The following ZNF469 variants were observed in gnomAD, a reference collection of about 807,000 sequenced individuals.
ZNF469 encodes the protein zinc finger protein 469.
Under a neutral mutation model 1.0 loss-of-function variants are expected in ZNF469, and 1 was observed. The ratio of observed to expected loss-of-function variants is 1.00; its 90% confidence interval spans 0.35 to 4.73. The LOEUF (loss-of-function observed/expected upper bound fraction) is 4.73, where lower values mean the gene tolerates loss of function less well. ZNF469 is among the 30% of genes most tolerant of loss of function. ZNF469 has a pLI of 0.16. For synonymous variants in ZNF469, 2,703 were observed against 2,363.4 expected, an observed-to-expected ratio of 1.14 and a Z score of -4.17; for missense variants, 6,100 against 5,356.3, an observed-to-expected ratio of 1.14 and a Z score of -4.33.
chr16:88,255,453 C>G, the ZNF469 span, among the ~76,000 whole-genome samples: 7 of 152,114 alleles, frequency 4.6e-5, no homozygotes, highest in African/African-American at 1.7e-4. Context: ...AAGTCTAAAC[C>G]TCTGTTTTAA....
Position 88,428,505 on chromosome 16 carries a change from G to C in ZNF469, c.1035G>C (p.Leu345=), listed in dbSNP as rs1226960680. Residue 345 remains leucine, a synonymous_variant, in exon 3 of 3, where the codon CTG becomes CTC. Coordinates refer to ENST00000565624, the MANE Select transcript of ZNF469 (RefSeq NM_001367624.2). Reference sequence around the variant, plus strand: ...GCTACCAGGGCCAGCCAGGTGGCCTGAACCGCCACAGCGACCTCAGTGGTG... The same window carrying C: ...GCTACCAGGGCCAGCCAGGTGGCCTCAACCGCCACAGCGACCTCAGTGGTG... ...LPCYQGQPGG[L]NRHSDLSGAL... 6.5e-7 allele frequency: 1 copy of C among 1,549,798 alleles called. No individual in the cohort carries two copies. The highest frequency in any genetic ancestry group is 8.7e-7 in the Non-Finnish European group (1 of 1,146,806).
the ZNF469 span, among the ~76,000 whole-genome samples, chr16:88,179,115 T>C: frequency 8.3e-4 from 126 of 152,198 alleles, no homozygotes; most frequent in African/African-American, 2.7e-3. Context: ...ATTCTCGGAG[T>C]GGGCCCCAGA....
At chr16:88,221,210 A>C in the ZNF469 span, among the ~76,000 whole-genome samples, 1 of 152,226 alleles carries the variant, frequency 6.6e-6, no homozygotes, top group Non-Finnish European at 1.5e-5. Context: ...TCGGGTAAGG[A>C]CAGACCCGGG....
At chr16:88,202,576 G>A in the ZNF469 span, among the ~76,000 whole-genome samples, 9 of 152,168 alleles carry the variant, frequency 5.9e-5, no homozygotes, top group African/African-American at 9.7e-5. Context: ...CTCTGGCACC[G>A]CAGGAAGCAC....
chr16:88,430,596 G>A lies in ZNF469; in HGVS notation c.3126G>A (p.Arg1042=). The change falls in exon 3 of 3, where the codon CGG becomes CGA. Residue 1042 remains arginine (R), a synonymous_variant. Coordinates refer to ENST00000565624, the MANE Select transcript of ZNF469 (RefSeq NM_001367624.2). ...AGGACCCCAGGAAGAGGAAGGCTCG[G>A]GGCGGCGCCTGGGGCAAGGAGCTCA... ...PRKDPRKRKA[R]GGAWGKELIL... is the part of the protein sequence containing the mutation. 1 of 1,500,740 alleles carries A rather than the reference G, an allele frequency of 6.7e-7. No homozygotes were observed. The highest frequency in any genetic ancestry group is 8.8e-7 in the Non-Finnish European group (1 of 1,130,698). The allele number at this position is 1,500,740 out of a possible 1,614,324, so 93.0% of individuals were successfully genotyped here.
At chr16:88,331,835 A>T in the ZNF469 span, among the ~76,000 whole-genome samples, 1 of 152,228 alleles carries the variant, frequency 6.6e-6, no homozygotes, top group African/African-American at 2.4e-5. Flanking sequence ...CATCACCATC[A>T]TCACCACCAT....
intron 1 of ZNF469, among the ~76,000 whole-genome samples, chr16:88,388,095 C>T (rs1364892336): frequency 6.6e-6 from 1 of 152,248 alleles, no homozygotes; most frequent in African/African-American, 2.4e-5. Flanking sequence ...AGGGGCTCCC[C>T]AGAGAGGAGA....
At chr16:88,287,662 T>C in the ZNF469 span, among the ~76,000 whole-genome samples, 1 of 152,134 alleles carries the variant, frequency 6.6e-6, no homozygotes, top group Non-Finnish European at 1.5e-5. Flanking sequence ...AGAAACAACA[T>C]CCCTCCCAGG....
chr16:88,223,278 G>C, the ZNF469 span, among the ~76,000 whole-genome samples: 2 of 152,178 alleles, frequency 1.3e-5, no homozygotes, highest in African/African-American at 4.8e-5. Context: ...TGCGATCTGC[G>C]GGTTTTATAA....
At chr16:88,235,746 A>T in the ZNF469 span, among the ~76,000 whole-genome samples, 1 of 152,274 alleles carries the variant, frequency 6.6e-6, no homozygotes, top group African/African-American at 2.4e-5. Flanking sequence ...CAATATTTGA[A>T]GAGAGTTATT....
At chr16:88,137,845 C>T in the ZNF469 span, among the ~76,000 whole-genome samples, 2 of 152,132 alleles carry the variant, frequency 1.3e-5, no homozygotes, top group Admixed American at 6.5e-5. Flanking sequence ...GGTGCAGAGC[C>T]CTGGGTTTGC....
At chr16:88,401,528 T>A (rs1265162036) in intron 1 of ZNF469, among the ~76,000 whole-genome samples, 1 of 36,872 alleles carries the variant, frequency 2.7e-5, no homozygotes, top group African/African-American at 2.0e-4. Context: ...GATGGATGGA[T>A]GGATGCATGG....
the ZNF469 span, among the ~76,000 whole-genome samples, chr16:88,200,138 G>C: frequency 6.6e-6 from 1 of 152,180 alleles, no homozygotes; most frequent in Non-Finnish European, 1.5e-5. Context: ...AAGAGAACAC[G>C]GCAGTGGGGT....
the ZNF469 span, among the ~76,000 whole-genome samples, chr16:88,363,151 T>G: frequency 1.3e-5 from 2 of 152,256 alleles, no homozygotes. Context: ...GTAAAAGAAC[T>G]ACTTTTAAAA....
chr16:88,158,889 G>A, the ZNF469 span, among the ~76,000 whole-genome samples: 1 of 151,986 alleles, frequency 6.6e-6, no homozygotes, highest in East Asian at 1.9e-4. Flanking sequence ...TTGTGGTTCT[G>A]AACCTACTGG....
chr16:88,377,905 T>C, the ZNF469 span, among the ~76,000 whole-genome samples: 1 of 151,908 alleles, frequency 6.6e-6, no homozygotes, highest in Non-Finnish European at 1.5e-5. Context: ...AAAAAAATGG[T>C]TTTTGAGCCG....
At chr16:88,345,093 G>T in the ZNF469 span, among the ~76,000 whole-genome samples, 1 of 152,240 alleles carries the variant, frequency 6.6e-6, no homozygotes, top group African/African-American at 2.4e-5. Flanking sequence ...GGTGACGTGA[G>T]CCTGGGATGG....
the ZNF469 span, among the ~76,000 whole-genome samples, chr16:88,128,488 T>C: frequency 5.3e-5 from 8 of 152,198 alleles, no homozygotes; most frequent in East Asian, 1.9e-4. Flanking sequence ...AGTGGCACCA[T>C]TGTGGTTCAG....
At chr16:88,339,699 G>A in the ZNF469 span, among the ~76,000 whole-genome samples, 1 of 88,036 alleles carries the variant, frequency 1.1e-5, no homozygotes, top group African/African-American at 4.8e-5. Context: ...GATGGCAGAG[G>A]GAGGGGGGAC....
Sources: gnomAD v4.1 joint callset for allele counts (sites outside exome capture counted in the v4.1 genomes callset) on GRCh38, gnomAD v4.1.1 for gene constraint, MANE v1.5 for transcripts, NCBI Gene and HGNC (gene_info 2026-07-23, HGNC 2026-07-21) for gene names.